Variants in PLEKHA8 observed in about 807,000 individuals in gnomAD.
PLEKHA8 encodes the protein pleckstrin homology domain-containing family A member 8.
In PLEKHA8, 36 loss-of-function variants were observed where a neutral mutation model predicts 68.2. The ratio of observed to expected loss-of-function variants is 0.53; its 90% confidence interval spans 0.40 to 0.70. The LOEUF is 0.70. Ranked by LOEUF, PLEKHA8 falls within the 30% of genes least tolerant of loss-of-function variation. The probability of loss-of-function intolerance (pLI) is 0.00; values close to 1 mark genes in which losing one functional copy is unlikely to be tolerated. For missense variants in PLEKHA8, 505 were observed against 615.4 expected (o/e 0.82, Z 1.90); for synonymous variants, 211 against 216.1 (o/e 0.98, Z 0.20).
chr7:30,088,452 G>A (rs1441897815), downstream of PLEKHA8, among the ~76,000 whole-genome samples: 33 of 152,068 alleles, frequency 2.2e-4, no homozygotes, highest in Admixed American at 2.2e-3. Flanking sequence ...TTAGGAATGT[G>A]GCCTGTCACT....
In PLEKHA8 at chr7:30,064,413, C is replaced by T. The variant is rs781768288; in HGVS notation, c.1300+1671C>T. On this transcript the variant is annotated intron_variant, in intron 12 of 13. Transcript: ENST00000449726. Reference sequence around the variant, plus strand: ...CAAAAATTAGCTGAGTATGGTGTTGCGTGCCTGTAGTCCCAGCTACTTAGG... The same window carrying T: ...CAAAAATTAGCTGAGTATGGTGTTGTGTGCCTGTAGTCCCAGCTACTTAGG... Among the ~76,000 whole-genome samples the T allele has an allele frequency of 4.6e-5, 7 of 152,020 alleles. 1 individual carries two copies. Among genetic ancestry groups the T allele is most frequent in the Non-Finnish European group, 7.4e-5 (5 of 68,002 alleles).
rs765916325 is a variant in PLEKHA8, at chr7:30,047,839, T to A, written c.321T>A (p.Ala107=). ...CATCATTTTGTCATTTAGAGTTTGC[T>A]GAAAACACTGAAAACTTGAAAACCA... ...DSRTQKEKEF[A]ENTENLKTKM... is the part of the protein sequence containing the mutation. The change falls in exon 4 of 14, where the codon GCT becomes GCA. Residue 107 remains alanine (A), a synonymous_variant. Transcript: ENST00000449726. 1 of 1,609,276 alleles carries A rather than the reference T, an allele frequency of 6.2e-7. No individual in the cohort carries two copies. Among genetic ancestry groups the A allele is most frequent in the South Asian group, 1.1e-5 (1 of 90,660 alleles).
Position 30,080,820 on chromosome 7 carries a change from G to C in PLEKHA8, c.*2033G>C. ...GGACTCGGGGATAGTCCCTGCCCTTGACATAGCCCCCTAAAACGGAAAAAG... is the reference window on the plus strand; with the variant it reads ...GGACTCGGGGATAGTCCCTGCCCTTCACATAGCCCCCTAAAACGGAAAAAG... On this transcript the variant is annotated 3_prime_UTR_variant, in exon 14 of 14. Coordinates refer to ENST00000449726, the MANE Select transcript of PLEKHA8 (RefSeq NM_001197026.2). The C allele has an allele frequency of 1.0e-6, 1 of 985,328 alleles. No homozygotes were observed. Among genetic ancestry groups the C allele is most frequent in the Non-Finnish European group, 1.2e-6 (1 of 829,920 alleles). 61.0% of individuals were successfully genotyped at this position (985,328 alleles called of 1,614,324 possible). A position where few individuals can be genotyped will look rare whatever the true frequency, so the allele number is the denominator to read the frequency against.
chr7:30,028,915 C>A, intron 1 of PLEKHA8, 113 bp downstream of exon 1: 1 of 1,129,046 alleles, frequency 8.9e-7, no homozygotes, highest in Non-Finnish European at 1.1e-6. Context: ...TTTCCTGAGG[C>A]CAGCGCGGAG....
downstream of PLEKHA8, among the ~76,000 whole-genome samples, chr7:30,091,381 G>C (rs1218876144): frequency 6.6e-6 from 1 of 151,952 alleles, no homozygotes; most frequent in South Asian, 2.1e-4. Context: ...TCATTGTAGA[G>C]TGTGGTGGAC....
chr7:30,098,040 T>TAAC (rs1795697888), intron 13 of PLEKHA8, among the ~76,000 whole-genome samples: 1 of 152,250 alleles, frequency 6.6e-6, no homozygotes, highest in Non-Finnish European at 1.5e-5. Context: ...GTTTTCCTTC[T>TAAC]AACAGTCAGG....
rs1794920943 is a variant in PLEKHA8 at position 30,081,350 on chromosome 7, A to C, written c.*2563A>C. The C allele has an allele frequency of 5.6e-5, 55 of 982,818 alleles. No homozygotes were observed. The highest frequency in any genetic ancestry group is 6.3e-5 in the Non-Finnish European group (52 of 827,614). The allele number at this position is 982,818 out of a possible 1,614,324, so 60.9% of individuals were successfully genotyped here. On this transcript the variant is annotated 3_prime_UTR_variant, in exon 14 of 14. Transcript: ENST00000449726. Reference sequence around the variant, plus strand: ...TAAAAGTTTGCTTAAGGAACTGAGGATCCTTAAATAAAAATATTAGAAATT... The same window carrying C: ...TAAAAGTTTGCTTAAGGAACTGAGGCTCCTTAAATAAAAATATTAGAAATT...
intron 13 of PLEKHA8, among the ~76,000 whole-genome samples, chr7:30,125,488 C>T (rs1796757798): frequency 6.6e-6 from 1 of 152,170 alleles, no homozygotes; most frequent in Non-Finnish European, 1.5e-5. Context: ...CCTGGCTGTC[C>T]ATGATTTATT....
intron 1 of PLEKHA8, among the ~76,000 whole-genome samples, chr7:30,032,388 A>C (rs1790732930): frequency 6.6e-6 from 1 of 152,248 alleles, no homozygotes; most frequent in East Asian, 1.9e-4. Context: ...GAACTGTTAA[A>C]AATTTATTAG....
chr7:30,086,945 G>A (rs1407182056), downstream of PLEKHA8, among the ~76,000 whole-genome samples: 15 of 152,126 alleles, frequency 9.9e-5, no homozygotes, highest in Non-Finnish European at 2.9e-5. Context: ...AGTGTGGTTC[G>A]GGTTGATGGA....
At position 30,080,305 on chromosome 7, in the gene PLEKHA8, G is replaced by A; in HGVS notation, c.*1518G>A. ...CTCAGTAGACCATGCTGCCTCGAGTGTGCATCGGAGAGAAGCCATGGGTAC... is the reference window on the plus strand; with the variant it reads ...CTCAGTAGACCATGCTGCCTCGAGTATGCATCGGAGAGAAGCCATGGGTAC... On this transcript the variant is annotated 3_prime_UTR_variant, in exon 14 of 14. Coordinates refer to ENST00000449726, the MANE Select transcript of PLEKHA8 (RefSeq NM_001197026.2). 1.0e-6 allele frequency: 1 copy of A among 985,412 alleles called. No individual in the cohort carries two copies. The allele number at this position is 985,412 out of a possible 1,614,324, so 61.0% of individuals were successfully genotyped here. A position where few individuals can be genotyped will look rare whatever the true frequency, so the allele number is the denominator to read the frequency against.
intron 1 of PLEKHA8, among the ~76,000 whole-genome samples, chr7:30,035,822 A>AT (rs543452380): frequency 0.019 from 2,929 of 151,230 alleles, 47 homozygotes; most frequent in East Asian, 0.04. Flanking sequence ...TTTTTTTTGT[A>AT]TTTTTAGTAG....
At chr7:30,113,242 C>T (rs1022223372) in intron 13 of PLEKHA8, among the ~76,000 whole-genome samples, 1 of 152,142 alleles carries the variant, frequency 6.6e-6, no homozygotes, top group African/African-American at 2.4e-5. Context: ...AAAATGTTCC[C>T]ATAGTAACAT....
At chr7:30,091,696 G>A (rs373152080), downstream of PLEKHA8, among the ~76,000 whole-genome samples, 12 of 152,316 alleles carry the variant, frequency 7.9e-5, no homozygotes, top group East Asian at 1.2e-3. Context: ...TGGAGTGGTT[G>A]ACAGTCATCT....
chr7:30,059,578 A>T (rs1793268815), intron 9 of PLEKHA8, among the ~76,000 whole-genome samples: 1 of 147,646 alleles, frequency 6.8e-6, no homozygotes, highest in Non-Finnish European at 1.5e-5. Flanking sequence ...CAGTTAATCA[A>T]TTTTTTTTTT....
At chr7:30,055,134 G>T in intron 8 of PLEKHA8, 123 bp from the exon 9 acceptor site, 1 of 861,158 alleles carries the variant, frequency 1.2e-6, no homozygotes, top group Non-Finnish European at 1.9e-6. Context: ...CAGTTACTGG[G>T]GCATATCAAG....
At chr7:30,053,280 G>A (rs1402591347) in intron 7 of PLEKHA8, among the ~76,000 whole-genome samples, 2 of 152,118 alleles carry the variant, frequency 1.3e-5, no homozygotes, top group African/African-American at 2.4e-5. Context: ...AGGTTTCTAC[G>A]CAGTCTTCTC....
At chr7:30,047,185 G>T (rs1792026072) in intron 3 of PLEKHA8, among the ~76,000 whole-genome samples, 1 of 152,106 alleles carries the variant, frequency 6.6e-6, no homozygotes, top group Non-Finnish European at 1.5e-5. Flanking sequence ...GAAGCTGTTG[G>T]CTTTGACTCA....
intron 13 of PLEKHA8, among the ~76,000 whole-genome samples, chr7:30,115,073 C>G (rs1796384451): frequency 6.6e-6 from 1 of 152,142 alleles, no homozygotes; most frequent in African/African-American, 2.4e-5. Flanking sequence ...CAGCATCCCA[C>G]ATCCTTACCA....
Sources: allele counts gnomAD v4.1 joint callset (sites outside exome capture counted in the v4.1 genomes callset), GRCh38; gene constraint gnomAD v4.1.1; transcripts MANE v1.5; gene names NCBI Gene and HGNC (gene_info 2026-07-23, HGNC 2026-07-21).